Variants in SCAPER observed in about 807,000 individuals in gnomAD.
SCAPER encodes the protein S phase cyclin A-associated protein in the endoplasmic reticulum.
In SCAPER, 98 loss-of-function variants were observed where a neutral mutation model predicts 182.2. That is an observed-to-expected ratio of 0.54 (90% CI 0.46 to 0.64). SCAPER has a LOEUF of 0.64. Among genes scored for constraint, SCAPER ranks in the 30% least tolerant of loss-of-function variants. The pLI is 0.00. For missense variants in SCAPER, 1,432 were observed against 1,690.0 expected (o/e 0.85, Z 2.68); for synonymous variants, 605 against 564.6 (o/e 1.07, Z -1.01).
At position 76,818,970 on chromosome 15, in the gene SCAPER, C is replaced by T. The variant is rs555150812; in HGVS notation, c.394-14337G>A. On this transcript the variant is annotated intron_variant, in intron 5 of 31. Coordinates refer to ENST00000563290, the MANE Select transcript of SCAPER (RefSeq NM_020843.4). ...CACATGGCTCGGAGGGTCCTACGCCCACGGAGCCTCCCTCATTGCTAGCAC... is the reference window on the plus strand; with the variant it reads ...CACATGGCTCGGAGGGTCCTACGCCTACGGAGCCTCCCTCATTGCTAGCAC... Among the ~76,000 whole-genome samples the T allele has an allele frequency of 5.3e-5, 8 of 152,366 alleles. No homozygotes were observed. The East Asian group carries it at 1.5e-3, about 29-fold the overall frequency.
chr15:76,582,227 A>T (rs2048322609), intron 22 of SCAPER, among the ~76,000 whole-genome samples: 1 of 152,200 alleles, frequency 6.6e-6, no homozygotes, highest in Non-Finnish European at 1.5e-5. Flanking sequence ...CCACCAAAAA[A>T]CTATTAGAAC....
chr15:76,819,762 G>A lies in SCAPER; in HGVS notation c.394-15129C>T, dbSNP rs2067375292. Among the ~76,000 whole-genome samples, 4 of 152,092 alleles carry A rather than the reference G, an allele frequency of 2.6e-5. No homozygotes were observed. In the South Asian group the frequency reaches 8.3e-4, roughly 31 times the overall value. ...TGACTTTGACCAGTTGAGAGAGGAA[G>A]GCTTTTGCACAGCAAAAGAAACCAC... On this transcript the variant is annotated intron_variant, in intron 5 of 31. Coordinates refer to ENST00000563290, the MANE Select transcript of SCAPER (RefSeq NM_020843.4).
intron 26 of SCAPER, among the ~76,000 whole-genome samples, chr15:76,426,346 A>C (rs2046428249): frequency 6.6e-6 from 1 of 152,126 alleles, no homozygotes; most frequent in African/African-American, 2.4e-5. Context: ...TGCCTTGCAG[A>C]TTGATCTCAG....
In SCAPER at chr15:76,419,356, G is replaced by GA. The variant is rs1268023550; in HGVS notation, c.3312-14678dup. ...AAAAGAAAAAAAAAAAAAAAGAAAAGAAAAAAAAGTCCAGGATCTTGAAGT... is the reference window on the plus strand; with the variant it reads ...AAAAGAAAAAAAAAAAAAAAGAAAAGAAAAAAAAAGTCCAGGATCTTGAAGT... On this transcript the variant is annotated intron_variant, in intron 26 of 31. Coordinates refer to ENST00000563290, the MANE Select transcript of SCAPER (RefSeq NM_020843.4). 4.9e-5 allele frequency among the ~76,000 whole-genome samples: 7 copies of GA among 144,046 alleles called. No individual in the cohort carries two copies. In the South Asian group the frequency reaches 6.7e-4, roughly 14 times the overall value. 94.5% of individuals were successfully genotyped at this position (144,046 alleles called of 152,430 possible).
At chr15:76,836,856 A>T (rs2068997770) in intron 5 of SCAPER, among the ~76,000 whole-genome samples, 1 of 150,174 alleles carries the variant, frequency 6.7e-6, no homozygotes, top group Admixed American at 6.6e-5. Context: ...CCTGGGCAAC[A>T]GAGAGAGACT....
At chr15:76,708,531 C>A (rs936157330) in intron 17 of SCAPER, among the ~76,000 whole-genome samples, 1 of 151,396 alleles carries the variant, frequency 6.6e-6, no homozygotes, top group African/African-American at 2.4e-5. Flanking sequence ...AAAATAGTTT[C>A]AAATCAATCA....
At chr15:76,849,335 A>G (rs979321972) in intron 4 of SCAPER, among the ~76,000 whole-genome samples, 2 of 152,182 alleles carry the variant, frequency 1.3e-5, no homozygotes, top group African/African-American at 4.8e-5. Flanking sequence ...ACGAAGACCC[A>G]AAGTGCCTTA....
Position 76,398,234 on chromosome 15 carries a change from A to G in SCAPER, c.3467+6290T>C, listed in dbSNP as rs570772418. Among the ~76,000 whole-genome samples, 32 of 152,338 alleles carry G rather than the reference A, an allele frequency of 2.1e-4. No individual in the cohort carries two copies. The South Asian group carries it at 5.8e-3, about 28-fold the overall frequency. ...GTAACCGTCATTTCTCCCTCCTCTG[A>G]ACTCCATCAATGACAATGGTGATAA... On this transcript the variant is annotated intron_variant, in intron 27 of 31. Transcript: ENST00000563290.
chr15:76,494,176 A>C (rs113788263), intron 24 of SCAPER, among the ~76,000 whole-genome samples: 4 of 152,204 alleles, frequency 2.6e-5, no homozygotes, highest in Non-Finnish European at 5.9e-5. Flanking sequence ...TCTGTTACTT[A>C]TAAGAAGTAA....
intron 8 of SCAPER, among the ~76,000 whole-genome samples, chr15:76,780,597 G>A (rs2064060765): frequency 6.6e-6 from 1 of 152,178 alleles, no homozygotes; most frequent in African/African-American, 2.4e-5. Context: ...TAACGCCCAA[G>A]TAGCCTAACT....
chr15:76,385,978 G>A (rs1412811981), intron 27 of SCAPER, among the ~76,000 whole-genome samples: 1 of 152,198 alleles, frequency 6.6e-6, no homozygotes, highest in Non-Finnish European at 1.5e-5. Flanking sequence ...TAAAATCAAG[G>A]TGTCACAAGA....
chr15:76,866,290 T>C (rs562443740), intron 2 of SCAPER, among the ~76,000 whole-genome samples: 7 of 152,142 alleles, frequency 4.6e-5, no homozygotes, highest in Non-Finnish European at 7.4e-5. Context: ...GTCAGAAAAT[T>C]CACTATGCCA....
chr15:76,669,720 C>A (rs964396126), intron 20 of SCAPER, among the ~76,000 whole-genome samples: 1 of 152,170 alleles, frequency 6.6e-6, no homozygotes, highest in African/African-American at 2.4e-5. Flanking sequence ...AAGATCAAAA[C>A]CACGACTGGC....
At chr15:76,779,902 G>A (rs527872453) in intron 8 of SCAPER, among the ~76,000 whole-genome samples, 2 of 152,226 alleles carry the variant, frequency 1.3e-5, no homozygotes, top group South Asian at 2.1e-4. Context: ...ACCAATCAAC[G>A]GGGGATCTTC....
At chr15:76,783,486 C>T (rs932066543) in intron 8 of SCAPER, among the ~76,000 whole-genome samples, 1 of 152,136 alleles carries the variant, frequency 6.6e-6, no homozygotes, top group African/African-American at 2.4e-5. Context: ...CCTTTTGAAA[C>T]TATTCCAATC....
chr15:76,662,191 GGAAA>G (rs1300475266), intron 21 of SCAPER, among the ~76,000 whole-genome samples: 1 of 152,110 alleles, frequency 6.6e-6, no homozygotes, highest in Non-Finnish European at 1.5e-5. Context: ...GGGGTCGAGA[GGAAA>G]GAAAGCATCA....
intron 15 of SCAPER, among the ~76,000 whole-genome samples, chr15:76,733,756 AAAAG>A (rs559159624): frequency 5.3e-5 from 8 of 152,030 alleles, no homozygotes; most frequent in East Asian, 1.9e-4. Context: ...TCCATATCAA[AAAAG>A]AAAGAAAGAA....
chr15:76,685,970 C>T (rs980034972), intron 20 of SCAPER, among the ~76,000 whole-genome samples: 1 of 151,896 alleles, frequency 6.6e-6, no homozygotes, highest in African/African-American at 2.4e-5. Flanking sequence ...AACTTCAAAA[C>T]ACTTAATGGA....
chr15:76,561,701 G>A (rs1178038027), intron 23 of SCAPER, among the ~76,000 whole-genome samples: 1 of 151,316 alleles, frequency 6.6e-6, no homozygotes, highest in Non-Finnish European at 1.5e-5. Context: ...AAAACAAAAT[G>A]AAGTCTCTAC....
Sources: gnomAD v4.1 joint callset for allele counts (sites outside exome capture counted in the v4.1 genomes callset) on GRCh38, gnomAD v4.1.1 for gene constraint, MANE v1.5 for transcripts, NCBI Gene and HGNC (gene_info 2026-07-23, HGNC 2026-07-21) for gene names.